The following NUMB variants were observed in gnomAD, a reference collection of about 807,000 sequenced individuals.
NUMB encodes NUMB endocytic adaptor protein.
Under a neutral mutation model 59.7 loss-of-function variants are expected in NUMB, and 29 were observed. The observed-to-expected ratio is 0.49, with a 90% confidence interval of 0.36 to 0.66. The LOEUF (loss-of-function observed/expected upper bound fraction) is 0.66, where lower values mean the gene tolerates loss of function less well. Ranked by LOEUF, NUMB falls within the 30% of genes least tolerant of loss-of-function variation. The probability of loss-of-function intolerance (pLI) is 0.00; values close to 1 mark genes in which losing one functional copy is unlikely to be tolerated. For missense variants in NUMB, 723 were observed against 822.0 expected, an observed-to-expected ratio of 0.88 and a Z score of 1.47; for synonymous variants, 288 against 288.2, an observed-to-expected ratio of 1.00 and a Z score of 0.01.
At chr14:73,409,223 C>T (rs1896805324) in intron 2 of NUMB, 1 of 152,158 alleles carries the variant, frequency 6.6e-6, no homozygotes, top group Non-Finnish European at 1.5e-5. Context: ...AGAACCTTTA[C>T]AACTACATCA....
intron 3 of NUMB, among the ~76,000 whole-genome samples, chr14:73,361,838 G>T (rs962231912): frequency 3.3e-5 from 5 of 152,116 alleles, no homozygotes; most frequent in Non-Finnish European, 7.3e-5. Context: ...GACAGAAAAG[G>T]GGCATTTCAA....
At chr14:73,329,342 G>A (rs780955737) in intron 4 of NUMB, among the ~76,000 whole-genome samples, 4 of 152,138 alleles carry the variant, frequency 2.6e-5, no homozygotes, top group Non-Finnish European at 4.4e-5. Context: ...AAACTTGTAC[G>A]TGTTGTATTC....
chr14:73,354,862 A>G (rs1893697084), intron 4 of NUMB, among the ~76,000 whole-genome samples: 1 of 147,468 alleles, frequency 6.8e-6, no homozygotes, highest in South Asian at 2.1e-4. Flanking sequence ...AATAGTAAAT[A>G]GAGAAAAAAA....
chr14:73,359,515 G>C (rs1893996894), intron 3 of NUMB, among the ~76,000 whole-genome samples: 1 of 152,120 alleles, frequency 6.6e-6, no homozygotes, highest in Non-Finnish European at 1.5e-5. Context: ...CTTTGATATA[G>C]CAAGGATTGA....
At chr14:73,370,840 T>C (rs1446621142) in intron 2 of NUMB, among the ~76,000 whole-genome samples, 4 of 152,256 alleles carry the variant, frequency 2.6e-5, no homozygotes, top group Non-Finnish European at 5.9e-5. Context: ...TCAAATTGGA[T>C]TACAACTAAG....
intron 3 of NUMB, chr14:73,356,978 G>A (rs1165443635): frequency 4.0e-5 from 34 of 846,588 alleles, no homozygotes; most frequent in Middle Eastern, 6.0e-4. Flanking sequence ...AATTACAGGC[G>A]TGAGCCACCA....
rs985872955 is a variant in NUMB at position 73,275,447 on chromosome 14, C to T, written c.*1131G>A. The T allele has an allele frequency of 6.6e-6, 1 of 152,354 alleles. No individual in the cohort carries two copies. Among genetic ancestry groups the T allele is most frequent in the Non-Finnish European group, 1.5e-5 (1 of 68,014 alleles). The allele number at this position is 152,354 out of a possible 1,614,324, so 9.4% of individuals were successfully genotyped here. A position where few individuals can be genotyped will look rare whatever the true frequency, so the allele number is the denominator to read the frequency against. On this transcript the variant is annotated 3_prime_UTR_variant, in exon 13 of 13. Coordinates refer to ENST00000555238, the MANE Select transcript of NUMB (RefSeq NM_001005743.2). The stretch of plus-strand genomic sequence containing the variant: ...CTAATAAAACCAGAATCCCCATCCC[C>T]ACAAAACTCATGGGAACAAAATTTA...
rs113185100 is a variant in NUMB at position 73,277,334 on chromosome 14, G to A, written c.1241-41C>T. The A allele has an allele frequency of 1.1e-3, 1,529 of 1,431,360 alleles. 15 individuals are homozygous for A. In the African/African-American group the frequency reaches 0.02, roughly 18 times the overall value. 88.7% of individuals were successfully genotyped at this position (1,431,360 alleles called of 1,614,324 possible). A position where few individuals can be genotyped will look rare whatever the true frequency, so the allele number is the denominator to read the frequency against. ...TGAGAGACAAAAGAATCAGTTAGGG[G>A]CATCTTTCCTCACCTTATAATCTTG... On this transcript the variant is annotated intron_variant, in intron 12 of 12. Coordinates refer to ENST00000555238, the MANE Select transcript of NUMB (RefSeq NM_001005743.2).
At chr14:73,380,131 G>A (rs913028957) in intron 2 of NUMB, among the ~76,000 whole-genome samples, 3 of 152,168 alleles carry the variant, frequency 2.0e-5, no homozygotes, top group Non-Finnish European at 2.9e-5. Flanking sequence ...AGGAGAAACC[G>A]CATCTGAAGC....
chr14:73,345,448 C>T (rs1456291068), intron 4 of NUMB, among the ~76,000 whole-genome samples: 1 of 152,074 alleles, frequency 6.6e-6, no homozygotes, highest in Admixed American at 6.6e-5. Flanking sequence ...ATGCAATTTA[C>T]CCATGTAACA....
intron 12 of NUMB, among the ~76,000 whole-genome samples, chr14:73,278,033 G>A (rs180907215): frequency 3.6e-5 from 4 of 111,134 alleles, no homozygotes; most frequent in East Asian, 5.5e-4. Context: ...GTGACACAGC[G>A]AGACTCCGTC....
Position 73,282,409 on chromosome 14 carries a change from G to T in NUMB, c.1046C>A (p.Pro349Gln). The change falls in exon 11 of 13, where the codon CCG (proline) becomes CAG (glutamine). Residue 349 changes from proline to glutamine, a missense_variant. Coordinates refer to ENST00000555238, the MANE Select transcript of NUMB (RefSeq NM_001005743.2). ...CACCACTGTCACTGGTTTGGTCATCGGAGCAGATGAGAAGGGGTCCTCAGG... is the reference window on the plus strand; with the variant it reads ...CACCACTGTCACTGGTTTGGTCATCTGAGCAGATGAGAAGGGGTCCTCAGG... ...STPEDPFSSAPMTKPVTVVAP... is the reference protein window; with the variant it reads ...STPEDPFSSAQMTKPVTVVAP... 1.2e-6 allele frequency: 2 copies of T among 1,614,176 alleles called. No individual in the cohort carries two copies. The highest frequency in any genetic ancestry group is 1.7e-6 in the Non-Finnish European group (2 of 1,180,022).
At chr14:73,455,262 AT>A (rs1284113646) in intron 1 of NUMB, among the ~76,000 whole-genome samples, 3 of 152,184 alleles carry the variant, frequency 2.0e-5, no homozygotes, top group Non-Finnish European at 4.4e-5. Context: ...TGGATTAAAG[AT>A]TTTAAAGAAA....
At chr14:73,437,257 G>A (rs1470814479) in intron 1 of NUMB, among the ~76,000 whole-genome samples, 3 of 152,040 alleles carry the variant, frequency 2.0e-5, no homozygotes, top group African/African-American at 7.2e-5. Flanking sequence ...TGTTGCCCAG[G>A]CTGGCCTGGA....
chr14:73,363,017 C>T (rs1894163990), intron 3 of NUMB, among the ~76,000 whole-genome samples: 1 of 151,094 alleles, frequency 6.6e-6, no homozygotes, highest in Non-Finnish European at 1.5e-5. Context: ...TAAATAAAGC[C>T]GGGTGCAGTG....
At chr14:73,432,460 A>T (rs1897874705) in intron 1 of NUMB, among the ~76,000 whole-genome samples, 1 of 152,116 alleles carries the variant, frequency 6.6e-6, no homozygotes, top group Admixed American at 6.6e-5. Flanking sequence ...TTGTATATTT[A>T]AAAAATAACG....
chr14:73,335,527 T>G (rs1365530741), intron 4 of NUMB, among the ~76,000 whole-genome samples: 3 of 152,186 alleles, frequency 2.0e-5, no homozygotes, highest in Non-Finnish European at 2.9e-5. Flanking sequence ...GCTAAAATAT[T>G]TGACACTGGG....
chr14:73,302,583 A>AT (rs997914123), intron 6 of NUMB, among the ~76,000 whole-genome samples: 12 of 150,516 alleles, frequency 8.0e-5, no homozygotes, highest in South Asian at 4.2e-4. Flanking sequence ...ATTTTTTTGT[A>AT]TTTTTTTTGG....
chr14:73,376,288 T>C (rs1046133110), intron 2 of NUMB, among the ~76,000 whole-genome samples: 24 of 152,222 alleles, frequency 1.6e-4, no homozygotes, highest in African/African-American at 5.8e-4. Context: ...AATTAAAACA[T>C]AATACCATTT....
Sources: gnomAD v4.1 joint callset for allele counts (sites outside exome capture counted in the v4.1 genomes callset) on GRCh38, gnomAD v4.1.1 for gene constraint, MANE v1.5 for transcripts, NCBI Gene and HGNC (gene_info 2026-07-23, HGNC 2026-07-21) for gene names.